STAU2: variants seen among roughly 807,000 people sequenced by gnomAD.
The protein encoded by STAU2 is staufen double-stranded RNA binding protein 2.
In STAU2, 20 loss-of-function variants were observed where a neutral mutation model predicts 65.9. That is an observed-to-expected ratio of 0.30 (90% CI 0.21 to 0.44). STAU2 has a LOEUF of 0.44. Among genes scored for constraint, STAU2 ranks in the 20% least tolerant of loss-of-function variants. The pLI, the probability that STAU2 is intolerant of heterozygous loss-of-function variation, is 1.00. For missense variants in STAU2, 558 were observed against 683.9 expected, an observed-to-expected ratio of 0.82 and a Z score of 2.05; for synonymous variants, 232 against 233.9, an observed-to-expected ratio of 0.99 and a Z score of 0.07.
intron 5 of STAU2, among the ~76,000 whole-genome samples, chr8:73,688,308 C>A (rs1819085732): frequency 6.6e-6 from 1 of 151,672 alleles, no homozygotes; most frequent in Non-Finnish European, 1.5e-5. Context: ...TCCTGGGTAG[C>A]TGGGATTATA....
intron 13 of STAU2, among the ~76,000 whole-genome samples, chr8:73,437,513 C>T (rs1817790711): frequency 6.6e-6 from 1 of 152,290 alleles, no homozygotes; most frequent in South Asian, 2.1e-4. Context: ...GCCGTGGGGA[C>T]ACCTCAATAG....
rs114491885 is a variant in STAU2 at position 73,429,717 on chromosome 8, G to A, written c.1531-7015C>T. Among the ~76,000 whole-genome samples, 891 of 152,004 alleles carry A rather than the reference G, an allele frequency of 5.9e-3. 5 individuals carry two copies. The highest frequency in any genetic ancestry group is 0.02 in the African/African-American group (824 of 41,458). The stretch of plus-strand genomic sequence containing the variant: ...CTTTCAAAGTGCTGGGATCACAGGC[G>A]TGGCTCATGTCTCTTTATTTCCTCC... On this transcript the variant is annotated intron_variant, in intron 13 of 14. Transcript: ENST00000524300.
intron 8 of STAU2, among the ~76,000 whole-genome samples, chr8:73,614,759 AT>A (rs1159460681): frequency 6.6e-6 from 1 of 152,052 alleles, no homozygotes; most frequent in Non-Finnish European, 1.5e-5. Context: ...TTTAAAAAAA[AT>A]CCCAATAATT....
At chr8:73,729,776 G>A (rs376756389) in intron 3 of STAU2, among the ~76,000 whole-genome samples, 10 of 152,186 alleles carry the variant, frequency 6.6e-5, no homozygotes, top group East Asian at 5.8e-4. Flanking sequence ...TTAGTAATGC[G>A]TATTTCTAAA....
chr8:73,650,743 G>A (rs928393926), intron 6 of STAU2, among the ~76,000 whole-genome samples: 3 of 152,070 alleles, frequency 2.0e-5, no homozygotes, highest in Non-Finnish European at 2.9e-5. Context: ...AAAATACTGT[G>A]CAATCCTATT....
chr8:73,603,668 C>T (rs1811802104), intron 10 of STAU2, 58 bp downstream of exon 10: 1 of 1,571,254 alleles, frequency 6.4e-7, no homozygotes, highest in Non-Finnish European at 8.6e-7. Flanking sequence ...CGCCCAAATG[C>T]CTATTCCATC....
At chr8:73,725,866 G>A (rs1036420412) in intron 3 of STAU2, among the ~76,000 whole-genome samples, 3 of 152,154 alleles carry the variant, frequency 2.0e-5, no homozygotes, top group Admixed American at 6.6e-5. Flanking sequence ...CTGGGAGGTC[G>A]AGGCTGCAGT....
chr8:73,684,971 T>C (rs187075760), intron 5 of STAU2, among the ~76,000 whole-genome samples: 56 of 152,264 alleles, frequency 3.7e-4, no homozygotes, highest in African/African-American at 1.3e-3. Flanking sequence ...ATAATCTCCA[T>C]GTGTCAAGGG....
chr8:73,500,066 G>C (rs75241478), intron 13 of STAU2, among the ~76,000 whole-genome samples: 1 of 151,748 alleles, frequency 6.6e-6, no homozygotes, highest in African/African-American at 2.4e-5. Context: ...TATGTGTCTA[G>C]TACCATATGG....
chr8:73,698,925 A>G (rs1473934144), intron 4 of STAU2, among the ~76,000 whole-genome samples: 1 of 133,236 alleles, frequency 7.5e-6, no homozygotes, highest in African/African-American at 2.9e-5. Context: ...TAAAACATTA[A>G]AAAAAAAAAA....
intron 12 of STAU2, among the ~76,000 whole-genome samples, chr8:73,566,755 A>AT (rs1398867807): frequency 3.9e-5 from 6 of 152,142 alleles, no homozygotes; most frequent in Non-Finnish European, 8.8e-5. Context: ...GAGGTTGGAC[A>AT]TTCTCCAACC....
intron 13 of STAU2, among the ~76,000 whole-genome samples, chr8:73,486,580 A>G (rs1820916533): frequency 6.7e-6 from 1 of 149,842 alleles, no homozygotes; most frequent in African/African-American, 2.4e-5. Flanking sequence ...AATTTTAGAA[A>G]ATCCTTTCTC....
At chr8:73,737,492 G>A (rs545046773) in intron 3 of STAU2, among the ~76,000 whole-genome samples, 3 of 151,106 alleles carry the variant, frequency 2.0e-5, no homozygotes, top group East Asian at 3.9e-4. Flanking sequence ...TAATCACAGG[G>A]GAAAAGAAAA....
intron 4 of STAU2, among the ~76,000 whole-genome samples, chr8:73,707,523 G>A (rs2130635920): frequency 6.6e-6 from 1 of 152,134 alleles, no homozygotes; most frequent in Middle Eastern, 3.4e-3. Flanking sequence ...ATTAAAATGG[G>A]GAATGCTAAA....
At chr8:73,599,901 A>G (rs1563449425) in intron 10 of STAU2, among the ~76,000 whole-genome samples, 1 of 151,942 alleles carries the variant, frequency 6.6e-6, no homozygotes, top group African/African-American at 2.4e-5. Flanking sequence ...CCGAGTAGCT[A>G]GGACTACAGG....
intron 12 of STAU2, among the ~76,000 whole-genome samples, chr8:73,570,823 A>C (rs1167491717): frequency 6.6e-6 from 1 of 152,242 alleles, no homozygotes; most frequent in African/African-American, 2.4e-5. Context: ...AGAATTTTCA[A>C]CCCAGAATTT....
intron 2 of STAU2, among the ~76,000 whole-genome samples, chr8:73,739,404 T>A (rs1473652059): frequency 6.6e-6 from 1 of 151,966 alleles, no homozygotes; most frequent in Non-Finnish European, 1.5e-5. Context: ...ACAACACAAT[T>A]GTGATACACA....
chr8:73,490,742 G>A (rs1209550092), intron 13 of STAU2, among the ~76,000 whole-genome samples: 1 of 151,896 alleles, frequency 6.6e-6, no homozygotes, highest in African/African-American at 2.4e-5. Context: ...ACTTTATCCT[G>A]TTAAATTATT....
chr8:73,522,038 A>T (rs926094489), intron 13 of STAU2, among the ~76,000 whole-genome samples: 1 of 152,232 alleles, frequency 6.6e-6, no homozygotes, highest in African/African-American at 2.4e-5. Flanking sequence ...CCTCAACACA[A>T]TAAGGCAGGC....
Sources: allele counts gnomAD v4.1 joint callset (sites outside exome capture counted in the v4.1 genomes callset), GRCh38; gene constraint gnomAD v4.1.1; transcripts MANE v1.5; gene names NCBI Gene and HGNC (gene_info 2026-07-23, HGNC 2026-07-21).